CHODL: variants seen among roughly 807,000 people sequenced by gnomAD.
CHODL encodes the protein chondrolectin.
CHODL carries 29 observed loss-of-function variants against 34.5 expected under a neutral mutation model. The ratio of observed to expected loss-of-function variants is 0.84; its 90% CI spans 0.63 to 1.15. CHODL has a LOEUF of 1.15. Among genes scored for constraint, CHODL ranks in the 50% most tolerant of loss-of-function variants. CHODL has a pLI of 0.00. For synonymous variants in CHODL, 125 were observed against 116.1 expected, an observed-to-expected ratio of 1.08 and a Z score of -0.49; for missense variants, 332 against 332.5, an observed-to-expected ratio of 1.00 and a Z score of 0.01.
At chr21:18,150,821 C>A (rs761894960) in intron 2 of CHODL, among the ~76,000 whole-genome samples, 2 of 151,982 alleles carry the variant, frequency 1.3e-5, no homozygotes, top group Non-Finnish European at 2.9e-5. Flanking sequence ...CATGGTGGCT[C>A]ACTTCTGTAA....
chr21:18,197,336 C>T (rs953022068), intron 2 of CHODL, among the ~76,000 whole-genome samples: 8 of 152,100 alleles, frequency 5.3e-5, no homozygotes, highest in East Asian at 1.9e-4. Context: ...CGTGGCTGAG[C>T]GCAGTGGCTC....
At chr21:18,116,409 C>T (rs2065413610) in intron 2 of CHODL, among the ~76,000 whole-genome samples, 2 of 152,162 alleles carry the variant, frequency 1.3e-5, no homozygotes, top group South Asian at 4.1e-4. Context: ...CACCAGTCAC[C>T]AGGTCTTACT....
chr21:18,133,204 T>C (rs1298997994), intron 2 of CHODL, among the ~76,000 whole-genome samples: 1 of 152,200 alleles, frequency 6.6e-6, no homozygotes, highest in East Asian at 1.9e-4. Context: ...AAGCCCTTTG[T>C]GTGCAATCCC....
chr21:18,160,311 A>G (rs1327344480), intron 2 of CHODL, among the ~76,000 whole-genome samples: 1 of 152,122 alleles, frequency 6.6e-6, no homozygotes, highest in Non-Finnish European at 1.5e-5. Context: ...GTAAAAGAGT[A>G]TTATTCCTTT....
intron 2 of CHODL, among the ~76,000 whole-genome samples, chr21:18,219,443 G>A (rs1233283847): frequency 6.6e-6 from 1 of 152,024 alleles, no homozygotes; most frequent in East Asian, 1.9e-4. Context: ...TGGATATTAT[G>A]GGAACTACAA....
chr21:17,951,511 C>A (rs977371319), intron 1 of CHODL, among the ~76,000 whole-genome samples: 5 of 152,004 alleles, frequency 3.3e-5, no homozygotes, highest in African/African-American at 1.2e-4. Flanking sequence ...TTTTGAATAA[C>A]AAAAGACTGT....
intron 2 of CHODL, among the ~76,000 whole-genome samples, chr21:18,076,961 A>G (rs1450422415): frequency 6.6e-6 from 1 of 152,146 alleles, no homozygotes. Flanking sequence ...GGGACCACCT[A>G]AAGTTGTGGG....
At chr21:18,009,243 A>C (rs906994371) in intron 1 of CHODL, among the ~76,000 whole-genome samples, 4 of 152,212 alleles carry the variant, frequency 2.6e-5, no homozygotes, top group Non-Finnish European at 5.9e-5. Context: ...TATAGCTAAA[A>C]ATGTAGAAGT....
intron 1 of CHODL, among the ~76,000 whole-genome samples, chr21:17,997,877 C>T (rs1277381821): frequency 6.6e-6 from 1 of 152,064 alleles, no homozygotes; most frequent in East Asian, 1.9e-4. Flanking sequence ...GGGACACAGC[C>T]AAGCCGTATA....
intron 1 of CHODL, among the ~76,000 whole-genome samples, chr21:18,255,887 CAG>C (rs540700008): frequency 6.6e-6 from 1 of 151,938 alleles, no homozygotes; most frequent in African/African-American, 2.4e-5. Flanking sequence ...GAGATTTTTT[CAG>C]AGATAGTGAG....
intron 1 of CHODL, among the ~76,000 whole-genome samples, chr21:18,015,272 G>C (rs921739575): frequency 6.6e-6 from 1 of 152,126 alleles, no homozygotes; most frequent in African/African-American, 2.4e-5. Flanking sequence ...AGGAGATCTG[G>C]TTGTTTAAAA....
intron 1 of CHODL, among the ~76,000 whole-genome samples, chr21:17,932,026 G>T (rs2146320857): frequency 6.6e-6 from 1 of 152,224 alleles, no homozygotes; most frequent in South Asian, 2.1e-4. Context: ...AGCCTACAGA[G>T]TGGGAGAAAA....
At chr21:18,169,985 CA>C (rs2073207872) in intron 2 of CHODL, among the ~76,000 whole-genome samples, 1 of 151,964 alleles carries the variant, frequency 6.6e-6, no homozygotes, top group African/African-American at 2.4e-5. Context: ...TCTCGCATTT[CA>C]GTTTTGAATT....
chr21:17,994,927 T>C (rs1418566513), intron 1 of CHODL, among the ~76,000 whole-genome samples: 1 of 152,238 alleles, frequency 6.6e-6, no homozygotes, highest in East Asian at 1.9e-4. Flanking sequence ...TCAGTGTCAG[T>C]GGACCCAGGC....
intron 1 of CHODL, among the ~76,000 whole-genome samples, chr21:18,001,954 G>A (rs1308350573): frequency 6.6e-6 from 1 of 151,998 alleles, no homozygotes; most frequent in Non-Finnish European, 1.5e-5. Context: ...AATTTTCACA[G>A]TAAAGCTATC....
intron 2 of CHODL, among the ~76,000 whole-genome samples, chr21:18,126,240 C>T (rs1349339580): frequency 6.6e-6 from 1 of 152,182 alleles, no homozygotes; most frequent in East Asian, 1.9e-4. Flanking sequence ...GATGCTTCAC[C>T]AGCAAAAGGA....
intron 1 of CHODL, among the ~76,000 whole-genome samples, chr21:17,931,214 G>A (rs1339453932): frequency 1.3e-5 from 2 of 152,136 alleles, no homozygotes; most frequent in Admixed American, 1.3e-4. Flanking sequence ...CCAATAAACC[G>A]AGATCAAGCA....
intron 2 of CHODL, among the ~76,000 whole-genome samples, chr21:18,128,295 T>TCA (rs2072603368): frequency 4.1e-5 from 1 of 24,608 alleles, no homozygotes; most frequent in Non-Finnish European, 7.1e-5. Context: ...AGCAAGAGTC[T>TCA]CAAAAAAAAA....
intron 2 of CHODL, among the ~76,000 whole-genome samples, chr21:18,175,456 G>A (rs2073294797): frequency 6.6e-6 from 1 of 152,070 alleles, no homozygotes; most frequent in South Asian, 2.1e-4. Flanking sequence ...AGCTGGGCGT[G>A]GTGGTGTGTG....
Sources: allele counts gnomAD v4.1 joint callset (sites outside exome capture counted in the v4.1 genomes callset), GRCh38; gene constraint gnomAD v4.1.1; transcripts MANE v1.5; gene names NCBI Gene and HGNC (gene_info 2026-07-23, HGNC 2026-07-21).